Variants in TAFA1 observed in about 807,000 individuals in gnomAD.
TAFA1 encodes TAFA chemokine like family member 1, also known as chemokine-like protein TAFA-1.
A neutral mutation model predicts 18.5 loss-of-function variants in TAFA1; 4 were observed. The ratio of observed to expected loss-of-function variants is 0.22; its 90% CI spans 0.11 to 0.49. TAFA1 has a LOEUF of 0.49. Ranked by LOEUF, TAFA1 falls within the 20% of genes least tolerant of loss-of-function variation. The probability of loss-of-function intolerance (pLI) is 0.98; values close to 1 mark genes in which losing one functional copy is unlikely to be tolerated. For missense variants in TAFA1, 147 were observed against 169.0 expected (o/e 0.87, Z 0.72); for synonymous variants, 56 against 55.2 (o/e 1.01, Z -0.06).
intron 2 of TAFA1, among the ~76,000 whole-genome samples, chr3:68,367,306 T>A (rs1382517488): frequency 6.6e-6 from 1 of 152,216 alleles, no homozygotes; most frequent in Non-Finnish European, 1.5e-5. Context: ...TCAACCTGTT[T>A]ACCAGCTTCC....
intron 3 of TAFA1, among the ~76,000 whole-genome samples, chr3:68,449,989 C>A (rs140751330): frequency 6.6e-6 from 1 of 152,134 alleles, no homozygotes; most frequent in Admixed American, 6.6e-5. Context: ...CCAGGCACAG[C>A]GCAGGCTGCC....
chr3:68,482,918 T>C (rs2072265223), intron 3 of TAFA1, among the ~76,000 whole-genome samples: 1 of 152,206 alleles, frequency 6.6e-6, no homozygotes, highest in Non-Finnish European at 1.5e-5. Context: ...TGGAAGTGCC[T>C]AAAGTTAGTC....
At chr3:68,517,667 C>T (rs1372294735) in intron 3 of TAFA1, among the ~76,000 whole-genome samples, 1 of 152,162 alleles carries the variant, frequency 6.6e-6, no homozygotes, top group African/African-American at 2.4e-5. Context: ...TCAGTTCCAT[C>T]TATGAAATTA....
chr3:68,312,417 G>A (rs1216237922), intron 2 of TAFA1, among the ~76,000 whole-genome samples: 2 of 151,940 alleles, frequency 1.3e-5, no homozygotes, highest in African/African-American at 2.4e-5. Flanking sequence ...GCCTTTAATG[G>A]CACCCAAGTC....
the TAFA1 span, among the ~76,000 whole-genome samples, chr3:67,997,040 G>T: frequency 6.6e-6 from 1 of 152,004 alleles, no homozygotes; most frequent in Non-Finnish European, 1.5e-5. Context: ...ATGACATCAA[G>T]AACCTAATCT....
chr3:68,498,722 CTTT>C (rs34030223), intron 3 of TAFA1, among the ~76,000 whole-genome samples: 252 of 96,740 alleles, frequency 2.6e-3, no homozygotes, highest in African/African-American at 5.2e-3. Context: ...CGTTTGGTGG[CTTT>C]TTTTTTTTTT....
intron 2 of TAFA1, among the ~76,000 whole-genome samples, chr3:68,084,828 A>G (rs1335794667): frequency 6.6e-6 from 1 of 151,774 alleles, no homozygotes; most frequent in Non-Finnish European, 1.5e-5. Flanking sequence ...AAAACCAAAT[A>G]ACAAAAAGTA....
intron 2 of TAFA1, among the ~76,000 whole-genome samples, chr3:68,032,868 T>C (rs1001444412): frequency 2.6e-4 from 39 of 152,182 alleles, no homozygotes; most frequent in African/African-American, 9.2e-4. Context: ...TGATTTGCTC[T>C]TGCGCTTTTC....
chr3:68,401,756 A>T (rs925253965), intron 2 of TAFA1, among the ~76,000 whole-genome samples: 1 of 152,188 alleles, frequency 6.6e-6, no homozygotes, highest in South Asian at 2.1e-4. Flanking sequence ...CTTCATTACC[A>T]GTCTTCAGTC....
intron 3 of TAFA1, among the ~76,000 whole-genome samples, chr3:68,521,926 C>T (rs1225359964): frequency 8.2e-6 from 1 of 121,998 alleles, no homozygotes; most frequent in Non-Finnish European, 1.6e-5. Flanking sequence ...GTGGCATGAT[C>T]ATGACTCACT....
At chr3:68,425,424 A>G (rs548495804) in intron 3 of TAFA1, among the ~76,000 whole-genome samples, 1 of 152,040 alleles carries the variant, frequency 6.6e-6, no homozygotes, top group East Asian at 1.9e-4. Context: ...GACATTTATA[A>G]AGGGAAATTC....
intron 3 of TAFA1, among the ~76,000 whole-genome samples, chr3:68,417,773 T>G (rs1232079339): frequency 2.0e-5 from 3 of 152,074 alleles, no homozygotes; most frequent in Non-Finnish European, 4.4e-5. Flanking sequence ...CTTAATTGGC[T>G]CCTGGATGCA....
chr3:68,381,051 G>C (rs376236378), intron 2 of TAFA1, among the ~76,000 whole-genome samples: 5 of 102,508 alleles, frequency 4.9e-5, no homozygotes, highest in Admixed American at 1.1e-4. Flanking sequence ...GCTTGTTTTT[G>C]TCAGGTTTGT....
intron 3 of TAFA1, among the ~76,000 whole-genome samples, chr3:68,473,549 T>G (rs1334605037): frequency 6.6e-6 from 1 of 152,144 alleles, no homozygotes; most frequent in Non-Finnish European, 1.5e-5. Context: ...ATTTCCATCA[T>G]GAAACTTGCT....
chr3:68,154,839 C>A (rs187727117), intron 2 of TAFA1, among the ~76,000 whole-genome samples: 13 of 152,196 alleles, frequency 8.5e-5, no homozygotes, highest in Admixed American at 2.6e-4. Context: ...CTATTTTCTG[C>A]CCCCCACCAA....
intron 2 of TAFA1, among the ~76,000 whole-genome samples, chr3:68,371,844 T>G (rs2069712772): frequency 6.6e-6 from 1 of 152,156 alleles, no homozygotes; most frequent in Admixed American, 6.5e-5. Flanking sequence ...ACACACTGTT[T>G]TTAATTGGGA....
At chr3:68,423,649 C>A (rs1251794678) in intron 3 of TAFA1, among the ~76,000 whole-genome samples, 1 of 151,896 alleles carries the variant, frequency 6.6e-6, no homozygotes, top group Non-Finnish European at 1.5e-5. Context: ...TCTTTCAGTG[C>A]TTTTATTTTT....
intron 2 of TAFA1, among the ~76,000 whole-genome samples, chr3:68,412,118 T>G (rs1457871738): frequency 6.6e-6 from 1 of 152,202 alleles, no homozygotes; most frequent in Non-Finnish European, 1.5e-5. Flanking sequence ...TCTGTGAGCC[T>G]AAGGAAGATA....
intron 2 of TAFA1, among the ~76,000 whole-genome samples, chr3:68,391,954 A>G (rs1432947842): frequency 1.3e-5 from 2 of 152,134 alleles, no homozygotes; most frequent in Non-Finnish European, 2.9e-5. Context: ...GCATCAACTA[A>G]TGGGCAAAAT....
Sources: allele counts gnomAD v4.1 joint callset (sites outside exome capture counted in the v4.1 genomes callset), GRCh38; gene constraint gnomAD v4.1.1; transcripts MANE v1.5; gene names NCBI Gene and HGNC (gene_info 2026-07-23, HGNC 2026-07-21).